Variants in NOS1AP observed in about 807,000 individuals in gnomAD.
The protein encoded by NOS1AP is carboxyl-terminal PDZ ligand of neuronal nitric oxide synthase protein.
Under a neutral mutation model 56.2 loss-of-function variants are expected in NOS1AP, and 21 were observed. The observed-to-expected ratio is 0.37, with a 90% CI of 0.26 to 0.54. The LOEUF (loss-of-function observed/expected upper bound fraction) is 0.54. Among genes scored for constraint, NOS1AP ranks in the 20% least tolerant of loss-of-function variants. The probability of loss-of-function intolerance (pLI) is 0.84; values close to 1 mark genes in which losing one functional copy is unlikely to be tolerated. For synonymous variants in NOS1AP, 270 were observed against 274.6 expected, an observed-to-expected ratio of 0.98 and a Z score of 0.17; for missense variants, 522 against 657.8, an observed-to-expected ratio of 0.79 and a Z score of 2.26.
intron 2 of NOS1AP, among the ~76,000 whole-genome samples, chr1:162,197,764 A>G (rs374678410): frequency 1.3e-5 from 2 of 152,288 alleles, no homozygotes; most frequent in South Asian, 4.1e-4. Flanking sequence ...CCAACTGTCC[A>G]GAATGTCATT....
intron 1 of NOS1AP, among the ~76,000 whole-genome samples, chr1:162,121,898 C>T (rs1648257343): frequency 2.0e-5 from 3 of 152,116 alleles, no homozygotes; most frequent in Admixed American, 6.5e-5. Flanking sequence ...GCAGTTGGGG[C>T]GCAATAACCC....
At chr1:162,130,558 G>T (rs920209327) in intron 1 of NOS1AP, among the ~76,000 whole-genome samples, 1 of 152,188 alleles carries the variant, frequency 6.6e-6, no homozygotes, top group South Asian at 2.1e-4. Context: ...CCCAAGAATA[G>T]GAGGAACAGA....
intron 2 of NOS1AP, among the ~76,000 whole-genome samples, chr1:162,236,119 T>C (rs1413742484): frequency 6.6e-6 from 1 of 152,250 alleles, no homozygotes; most frequent in Non-Finnish European, 1.5e-5. Context: ...TGTTAACTGA[T>C]CACCAGATTC....
At chr1:162,352,173 T>C (rs879757930) in intron 6 of NOS1AP, among the ~76,000 whole-genome samples, 26 of 152,162 alleles carry the variant, frequency 1.7e-4, no homozygotes, top group East Asian at 7.7e-4. Context: ...AATTCTCCTG[T>C]TTCAGCCTCC....
intron 2 of NOS1AP, among the ~76,000 whole-genome samples, chr1:162,275,720 C>G (rs1044057527): frequency 6.6e-6 from 1 of 152,188 alleles, no homozygotes; most frequent in Non-Finnish European, 1.5e-5. Context: ...TTTTCATCCT[C>G]GTTTCTGAAT....
intron 2 of NOS1AP, among the ~76,000 whole-genome samples, chr1:162,222,623 A>G (rs1285655345): frequency 6.6e-6 from 1 of 152,222 alleles, no homozygotes; most frequent in East Asian, 1.9e-4. Flanking sequence ...ATTACTACTC[A>G]ACTTAGTTCA....
chr1:162,227,209 T>G (rs1652974005), intron 2 of NOS1AP, among the ~76,000 whole-genome samples: 1 of 152,206 alleles, frequency 6.6e-6, no homozygotes, highest in Non-Finnish European at 1.5e-5. Context: ...TTGATGTTGT[T>G]TAATCTATTT....
At chr1:162,275,579 C>T (rs932071730) in intron 2 of NOS1AP, among the ~76,000 whole-genome samples, 9 of 152,210 alleles carry the variant, frequency 5.9e-5, no homozygotes, top group African/African-American at 2.2e-4. Context: ...TTCTCTTTCC[C>T]TGTCAAGTTT....
intron 2 of NOS1AP, among the ~76,000 whole-genome samples, chr1:162,197,617 G>A (rs144876861): frequency 6.6e-6 from 1 of 152,326 alleles, no homozygotes; most frequent in Non-Finnish European, 1.5e-5. Context: ...CTGGAAGTAA[G>A]GCAATTCAGG....
At chr1:162,342,721 CTTGA>C in intron 5 of NOS1AP, 1 of 386,014 alleles carries the variant, frequency 2.6e-6, no homozygotes, top group South Asian at 2.0e-5. Context: ...AAAAGCCCTA[CTTGA>C]TTGCTGCCAT....
At chr1:162,275,020 T>G (rs2101723125) in intron 2 of NOS1AP, among the ~76,000 whole-genome samples, 1 of 152,350 alleles carries the variant, frequency 6.6e-6, no homozygotes, top group South Asian at 2.1e-4. Flanking sequence ...CTATTACTTG[T>G]CTTTTCATTC....
At chr1:162,173,128 G>A (rs145288148) in intron 2 of NOS1AP, among the ~76,000 whole-genome samples, 3 of 152,172 alleles carry the variant, frequency 2.0e-5, no homozygotes, top group East Asian at 1.9e-4. Flanking sequence ...AAGTTATTGC[G>A]TTTTTGCCTT....
At chr1:162,213,329 G>A (rs1047719196) in intron 2 of NOS1AP, among the ~76,000 whole-genome samples, 9 of 152,178 alleles carry the variant, frequency 5.9e-5, no homozygotes, top group African/African-American at 1.9e-4. Flanking sequence ...CCTTTGTCTA[G>A]CCTTTAATCC....
chr1:162,349,892 T>A (rs1207317340), intron 6 of NOS1AP, among the ~76,000 whole-genome samples: 1 of 152,246 alleles, frequency 6.6e-6, no homozygotes, highest in Non-Finnish European at 1.5e-5. Context: ...TAGCATTTGG[T>A]TCTGGGATTG....
intron 1 of NOS1AP, among the ~76,000 whole-genome samples, chr1:162,141,492 G>A (rs987186327): frequency 6.6e-6 from 1 of 152,126 alleles, no homozygotes; most frequent in Non-Finnish European, 1.5e-5. Flanking sequence ...ACAAGATGTG[G>A]GGCCAAAAGA....
chr1:162,190,875 C>A (rs187521301), intron 2 of NOS1AP, among the ~76,000 whole-genome samples: 1 of 152,232 alleles, frequency 6.6e-6, no homozygotes, highest in Non-Finnish European at 1.5e-5. Flanking sequence ...ACCTTTCTGT[C>A]CCTTAATGTC....
At chr1:162,090,938 G>A (rs1365639498) in intron 1 of NOS1AP, among the ~76,000 whole-genome samples, 1 of 151,958 alleles carries the variant, frequency 6.6e-6, no homozygotes, top group African/African-American at 2.4e-5. Context: ...AAATGTTTAT[G>A]GATTTGACCT....
At chr1:162,075,595 C>T (rs1691750027) in intron 1 of NOS1AP, among the ~76,000 whole-genome samples, 1 of 152,190 alleles carries the variant, frequency 6.6e-6, no homozygotes, top group Non-Finnish European at 1.5e-5. Context: ...GTGTTTATGT[C>T]CCCTTTCTCC....
chr1:162,130,704 C>T (rs1648712121), intron 1 of NOS1AP, among the ~76,000 whole-genome samples: 1 of 152,228 alleles, frequency 6.6e-6, no homozygotes, highest in Non-Finnish European at 1.5e-5. Flanking sequence ...CATTTTAAAA[C>T]TTGACTCTGC....
Sources: allele counts gnomAD v4.1 joint callset (sites outside exome capture counted in the v4.1 genomes callset), GRCh38; gene constraint gnomAD v4.1.1; transcripts MANE v1.5; gene names NCBI Gene and HGNC (gene_info 2026-07-23, HGNC 2026-07-21).